SPSB4: variants seen among roughly 807,000 people sequenced by gnomAD.
SPSB4 encodes the protein splA/ryanodine receptor domain and SOCS box containing 4, also known as SPRY domain-containing SOCS box protein 4.
SPSB4 carries 21 observed loss-of-function variants against 20.9 expected under a neutral mutation model. That is an observed-to-expected ratio of 1.01 (90% CI 0.71 to 1.45). The LOEUF (loss-of-function observed/expected upper bound fraction) is 1.45. Ranked by LOEUF, SPSB4 falls within the 40% of genes most tolerant of loss-of-function variation. The pLI is 0.00. For synonymous variants in SPSB4, 207 were observed against 183.8 expected, an observed-to-expected ratio of 1.13 and a Z score of -1.02; for missense variants, 399 against 399.2, an observed-to-expected ratio of 1.00 and a Z score of 0.00.
At chr3:141,133,466 G>T (rs528971069) in intron 2 of SPSB4, among the ~76,000 whole-genome samples, 1 of 152,152 alleles carries the variant, frequency 6.6e-6, no homozygotes, top group Non-Finnish European at 1.5e-5. Context: ...GGTGATTTTT[G>T]TATAAGATGA....
At chr3:141,072,626 C>T (rs1189810402) in intron 2 of SPSB4, among the ~76,000 whole-genome samples, 1 of 152,178 alleles carries the variant, frequency 6.6e-6, no homozygotes, top group Non-Finnish European at 1.5e-5. Context: ...CATGTTTGTA[C>T]AGCCTGCAGA....
intron 2 of SPSB4, among the ~76,000 whole-genome samples, chr3:141,085,198 G>C (rs1402610155): frequency 6.6e-6 from 1 of 152,226 alleles, no homozygotes; most frequent in Non-Finnish European, 1.5e-5. Flanking sequence ...CTGCAAGTTG[G>C]ACAGCATGCT....
chr3:141,068,557 C>T (rs1937934079), intron 2 of SPSB4, among the ~76,000 whole-genome samples: 1 of 152,176 alleles, frequency 6.6e-6, no homozygotes, highest in Non-Finnish European at 1.5e-5. Flanking sequence ...TTTCCAAGTG[C>T]TCAGTGGTTT....
In SPSB4 at chr3:141,065,999, G is replaced by A. The variant is rs1021856915; in HGVS notation, c.-106G>A. 9.2e-7 allele frequency: 1 copy of A among 1,081,302 alleles called. No homozygotes were observed. Among genetic ancestry groups the A allele is most frequent in the Non-Finnish European group, 1.3e-6 (1 of 798,016 alleles). The allele number at this position is 1,081,302 out of a possible 1,614,324, so 67.0% of individuals were successfully genotyped here. On this transcript the variant is annotated 5_prime_UTR_variant, in exon 2 of 3. Transcript: ENST00000310546. ...CCGGTAGAGGCTGTGGAGGTCTACC[G>A]TCCGGAAGCCTGGTTCCCAGCCCCG...
intron 2 of SPSB4, among the ~76,000 whole-genome samples, chr3:141,082,785 T>A (rs896726947): frequency 2.6e-5 from 4 of 152,244 alleles, no homozygotes; most frequent in Non-Finnish European, 4.4e-5. Context: ...ATTTGGACTC[T>A]AGTCTGCCTG....
At chr3:141,109,253 C>G (rs897440928) in intron 2 of SPSB4, among the ~76,000 whole-genome samples, 4 of 152,094 alleles carry the variant, frequency 2.6e-5, no homozygotes, top group Non-Finnish European at 4.4e-5. Flanking sequence ...ATGCACCTTG[C>G]TTCCATCACT....
At chr3:141,109,534 C>G (rs895378343) in intron 2 of SPSB4, among the ~76,000 whole-genome samples, 1 of 152,138 alleles carries the variant, frequency 6.6e-6, no homozygotes, top group African/African-American at 2.4e-5. Flanking sequence ...AGCCCATCAG[C>G]TGGGTGAGGC....
rs1936090949 is a variant in SPSB4 at position 141,051,630 on chromosome 3, G to A, written c.-516G>A. 6.8e-6 allele frequency: 1 copy of A among 147,272 alleles called. No homozygotes were observed. Among genetic ancestry groups the A allele is most frequent in the Non-Finnish European group, 1.5e-5 (1 of 66,534 alleles). The allele number at this position is 147,272 out of a possible 1,614,324, so 9.1% of individuals were successfully genotyped here. A position where few individuals can be genotyped will look rare whatever the true frequency, so the allele number is the denominator to read the frequency against. ...GAGGCGCGGCCCGTGCGCCCTGAGC[G>A]CGGGACTCGTCGCCCTCCGGGTCAG... On this transcript the variant is annotated 5_prime_UTR_variant, in exon 1 of 3. Transcript: ENST00000310546.
chr3:141,087,746 C>T (rs1044089529), intron 2 of SPSB4, among the ~76,000 whole-genome samples: 1 of 152,122 alleles, frequency 6.6e-6, no homozygotes, highest in African/African-American at 2.4e-5. Context: ...CACGTGCCCA[C>T]CAAGGCAAAT....
At chr3:141,104,164 C>T (rs563678068) in intron 2 of SPSB4, among the ~76,000 whole-genome samples, 32 of 152,158 alleles carry the variant, frequency 2.1e-4, no homozygotes, top group South Asian at 1.0e-3. Flanking sequence ...CAGGTCCCTG[C>T]GGGTGCAGAA....
At chr3:141,139,338 T>G (rs1172574122) in intron 2 of SPSB4, among the ~76,000 whole-genome samples, 3 of 152,144 alleles carry the variant, frequency 2.0e-5, no homozygotes, top group Non-Finnish European at 4.4e-5. Context: ...CATTTACATT[T>G]AAGATTAGTA....
chr3:141,066,915 A>G lies in SPSB4; in HGVS notation c.694+117A>G. On this transcript the variant is annotated intron_variant, in intron 2 of 2. Transcript: ENST00000310546. ...GATCCTGCAATGTGGAGGAATGGTC[A>G]GGACCTGGGTTTCAATCCTGACTCT... is the stretch of plus-strand genomic sequence containing the variant. 6.5e-6 allele frequency: 7 copies of G among 1,077,258 alleles called. No individual in the cohort carries two copies. The South Asian group carries it at 1.4e-4, about 21-fold the overall frequency. The allele number at this position is 1,077,258 out of a possible 1,614,324, so 66.7% of individuals were successfully genotyped here.
intron 2 of SPSB4, among the ~76,000 whole-genome samples, chr3:141,136,586 T>C (rs1939232045): frequency 6.6e-6 from 1 of 152,230 alleles, no homozygotes; most frequent in Admixed American, 6.5e-5. Context: ...GCACCATTGA[T>C]TAAATAGGGA....
intron 2 of SPSB4, among the ~76,000 whole-genome samples, chr3:141,071,945 T>A (rs949291139): frequency 6.6e-6 from 1 of 152,226 alleles, no homozygotes; most frequent in Non-Finnish European, 1.5e-5. Flanking sequence ...GCTCTCACGA[T>A]GACTACAAGG....
intron 2 of SPSB4, chr3:141,076,899 G>A (rs1938121853): frequency 7.2e-5 from 11 of 152,272 alleles, no homozygotes; most frequent in Admixed American, 7.2e-4. Flanking sequence ...CTGACTTGCT[G>A]ATGATTCTGA....
At chr3:141,112,577 G>A (rs1039026568) in intron 2 of SPSB4, among the ~76,000 whole-genome samples, 6 of 143,394 alleles carry the variant, frequency 4.2e-5, no homozygotes, top group Middle Eastern at 7.2e-3. Context: ...CCCGGGAGGC[G>A]GAGCTTGCAG....
intron 2 of SPSB4, among the ~76,000 whole-genome samples, chr3:141,125,685 G>A (rs1463536805): frequency 6.6e-6 from 1 of 152,210 alleles, no homozygotes; most frequent in African/African-American, 2.4e-5. Flanking sequence ...TAAGGAGGCT[G>A]TGTCCTGCCC....
At chr3:141,137,621 A>C (rs1214078015) in intron 2 of SPSB4, among the ~76,000 whole-genome samples, 1 of 152,144 alleles carries the variant, frequency 6.6e-6, no homozygotes, top group Non-Finnish European at 1.5e-5. Context: ...TGTTCTGTTT[A>C]TATGCTGGAT....
intron 2 of SPSB4, among the ~76,000 whole-genome samples, chr3:141,102,556 A>G (rs906528071): frequency 2.6e-5 from 4 of 152,080 alleles, no homozygotes. Flanking sequence ...TATTCTAGGC[A>G]GCAGCAGCAG....
Sources: allele counts gnomAD v4.1 joint callset (sites outside exome capture counted in the v4.1 genomes callset), GRCh38; gene constraint gnomAD v4.1.1; transcripts MANE v1.5; gene names NCBI Gene and HGNC (gene_info 2026-07-23, HGNC 2026-07-21).